The following JAK1 variants were observed in gnomAD, a reference collection of about 807,000 sequenced individuals.
The protein encoded by JAK1 is tyrosine-protein kinase JAK1.
A neutral mutation model predicts 136.6 loss-of-function variants in JAK1; 16 were observed. That is an observed-to-expected ratio of 0.12 (90% CI 0.08 to 0.18). The LOEUF (loss-of-function observed/expected upper bound fraction) is 0.18, where lower values mean the gene tolerates loss of function less well. Among genes scored for constraint, JAK1 ranks in the 10% least tolerant of loss-of-function variants. JAK1 has a pLI of 1.00. For missense variants in JAK1, 859 were observed against 1,450.1 expected, an observed-to-expected ratio of 0.59 and a Z score of 6.62; for synonymous variants, 492 against 519.5, an observed-to-expected ratio of 0.95 and a Z score of 0.72.
At chr1:64,872,515 G>A (rs981684180) in intron 5 of JAK1, among the ~76,000 whole-genome samples, 5 of 152,012 alleles carry the variant, frequency 3.3e-5, no homozygotes, top group African/African-American at 4.8e-5. Context: ...AATTTCTTAC[G>A]TATTATCTAT....
At chr1:64,970,026 C>T (rs1208694040), upstream of JAK1, among the ~76,000 whole-genome samples, 1 of 147,992 alleles carries the variant, frequency 6.8e-6, no homozygotes, top group African/African-American at 2.5e-5. Flanking sequence ...GTCCCAGCTA[C>T]TCAGGAGTCG....
At chr1:65,002,627 G>C (rs540673218) in intron 2 of JAK1, 29 of 152,442 alleles carry the variant, frequency 1.9e-4, no homozygotes, top group African/African-American at 6.7e-4. Context: ...GAGGGCTCCA[G>C]GTTTCAGCGC....
intron 1 of JAK1, among the ~76,000 whole-genome samples, chr1:64,948,139 T>C (rs530466656): frequency 6.6e-6 from 1 of 152,356 alleles, no homozygotes; most frequent in East Asian, 1.9e-4. Context: ...CTCCATTTAC[T>C]ATAGGTTGCC....
At chr1:64,897,858 C>T (rs560360935) in intron 1 of JAK1, among the ~76,000 whole-genome samples, 4 of 152,134 alleles carry the variant, frequency 2.6e-5, no homozygotes, top group South Asian at 2.1e-4. Context: ...GGGCATAGGA[C>T]ACCTGAAATT....
intron 22 of JAK1, among the ~76,000 whole-genome samples, chr1:64,837,563 T>A (rs576535650): frequency 6.6e-6 from 1 of 152,322 alleles, no homozygotes; most frequent in African/African-American, 2.4e-5. Context: ...TCCTACAGCC[T>A]CCCTCTGCAG....
intron 1 of JAK1, among the ~76,000 whole-genome samples, chr1:65,046,911 G>T (rs1205938245): frequency 2.2e-5 from 3 of 133,582 alleles, no homozygotes; most frequent in African/African-American, 8.5e-5. Context: ...TTTCATTTCA[G>T]TGTCAGGCAC....
rs1645485179 is a variant in JAK1, at chr1:64,921,010, G to A, written c.-77-34669C>T. Among the ~76,000 whole-genome samples the A allele has an allele frequency of 2.6e-5, 4 of 152,278 alleles. No individual in the cohort carries two copies. The South Asian group carries it at 8.3e-4, about 32-fold the overall frequency. The stretch of plus-strand genomic sequence containing the variant: ...ATGCTATGCTTTAAGACAGTTAAAT[G>A]TATCCAGTGACTTTTAACCTGAAAA... On this transcript the variant is annotated intron_variant, in intron 1 of 24. Coordinates refer to ENST00000342505, the MANE Select transcript of JAK1 (RefSeq NM_002227.4).
At chr1:64,838,386 T>TA in intron 21 of JAK1, 79 bp downstream of exon 21, 7 of 1,439,676 alleles carry the variant, frequency 4.9e-6, no homozygotes, top group South Asian at 1.3e-5. Flanking sequence ...CTTACCCACT[T>TA]AGAGTCAAAT....
At chr1:64,985,539 A>G in intron 2 of JAK1, 1 of 1,377,124 alleles carries the variant, frequency 7.3e-7, no homozygotes, top group South Asian at 1.2e-5. Flanking sequence ...GCCTAATAGC[A>G]CAGGCCATAG....
At chr1:65,036,179 G>T (rs148986920) in intron 2 of JAK1, among the ~76,000 whole-genome samples, 24 of 152,204 alleles carry the variant, frequency 1.6e-4, no homozygotes, top group African/African-American at 1.9e-4. Context: ...TTGTACACGT[G>T]AAAGTAGTGT....
intron 2 of JAK1, chr1:64,991,254 A>G (rs1369222804): frequency 1.3e-5 from 2 of 152,222 alleles, no homozygotes; most frequent in Non-Finnish European, 2.9e-5. Flanking sequence ...ATAACAAAAT[A>G]TAACAGACTG....
intron 2 of JAK1, among the ~76,000 whole-genome samples, chr1:65,019,696 C>T (rs1263198482): frequency 6.6e-6 from 1 of 152,072 alleles, no homozygotes; most frequent in Non-Finnish European, 1.5e-5. Context: ...GTGGGTGGAT[C>T]ACCTGAGACC....
chr1:64,934,552 C>T (rs1244058692), intron 1 of JAK1, among the ~76,000 whole-genome samples: 2 of 152,200 alleles, frequency 1.3e-5, no homozygotes, highest in African/African-American at 2.4e-5. Context: ...GCGAGAAGCT[C>T]GGGTTGTGGA....
chr1:64,891,764 A>G (rs949554765), intron 1 of JAK1, among the ~76,000 whole-genome samples: 1 of 152,236 alleles, frequency 6.6e-6, no homozygotes, highest in African/African-American at 2.4e-5. Flanking sequence ...ACATCATATA[A>G]ATACAAAATC....
chr1:64,843,888 C>A (rs2100988427), intron 17 of JAK1, among the ~76,000 whole-genome samples, 176 bp downstream of exon 17: 1 of 152,286 alleles, frequency 6.6e-6, no homozygotes, highest in South Asian at 2.1e-4. Flanking sequence ...GATGATGAAA[C>A]TGAGGCTCAC....
chr1:64,934,392 C>A lies in JAK1; in HGVS notation c.-78+31941G>T, dbSNP rs1645751232. The stretch of plus-strand genomic sequence containing the variant: ...GCTGGAGGCAGCCACACCAAGGAAC[C>A]AGGCAGTGAAGAGCAGGGTCGTTTC... On this transcript the variant is annotated intron_variant, in intron 1 of 24. Coordinates refer to ENST00000342505, the MANE Select transcript of JAK1 (RefSeq NM_002227.4). 2.6e-5 allele frequency among the ~76,000 whole-genome samples: 4 copies of A among 152,296 alleles called. No individual in the cohort carries two copies. The South Asian group carries it at 8.3e-4, about 32-fold the overall frequency.
intron 1 of JAK1, among the ~76,000 whole-genome samples, chr1:64,952,689 C>G (rs1285189131): frequency 6.6e-6 from 1 of 152,136 alleles, no homozygotes; most frequent in East Asian, 1.9e-4. Context: ...AAAAAGGAGT[C>G]TTCCAGTAAC....
chr1:64,922,662 T>C (rs976773610), intron 1 of JAK1, among the ~76,000 whole-genome samples: 2 of 152,192 alleles, frequency 1.3e-5, no homozygotes, highest in East Asian at 1.9e-4. Flanking sequence ...AATTCAATCA[T>C]AGATTACATA....
At chr1:65,021,175 CAA>C (rs1223601887) in intron 2 of JAK1, among the ~76,000 whole-genome samples, 2 of 152,082 alleles carry the variant, frequency 1.3e-5, no homozygotes, top group Non-Finnish European at 1.5e-5. Flanking sequence ...TGGAGCTGGG[CAA>C]AGAGTAGATC....
Sources: gnomAD v4.1 joint callset for allele counts (sites outside exome capture counted in the v4.1 genomes callset) on GRCh38, gnomAD v4.1.1 for gene constraint, MANE v1.5 for transcripts, NCBI Gene and HGNC (gene_info 2026-07-23, HGNC 2026-07-21) for gene names.